SLC25A28: variants seen among roughly 807,000 people sequenced by gnomAD.
SLC25A28 encodes solute carrier family 25 member 28, also known as mitoferrin-2.
Under a neutral mutation model 31.9 loss-of-function variants are expected in SLC25A28, and 10 were observed. The observed-to-expected ratio is 0.31, with a 90% CI of 0.19 to 0.53. SLC25A28 has a LOEUF of 0.53. Ranked by LOEUF, SLC25A28 falls within the 20% of genes least tolerant of loss-of-function variation. The pLI is 0.95. For synonymous variants in SLC25A28, 208 were observed against 203.6 expected (o/e 1.02, Z -0.19); for missense variants, 256 against 490.3 (o/e 0.52, Z 4.51).
chr10:99,627,471 T>G, the SLC25A28 span, among the ~76,000 whole-genome samples: 1 of 150,678 alleles, frequency 6.6e-6, no homozygotes, highest in Non-Finnish European at 1.5e-5. Flanking sequence ...GACAAGATAC[T>G]GCTCCGTCAC....
chr10:99,648,497 G>A, the SLC25A28 span, among the ~76,000 whole-genome samples: 2 of 152,060 alleles, frequency 1.3e-5, no homozygotes, highest in African/African-American at 4.8e-5. Context: ...AATGACATTG[G>A]TAATTCGATA....
the SLC25A28 span, among the ~76,000 whole-genome samples, chr10:99,654,319 A>G: frequency 1.3e-5 from 2 of 152,144 alleles, no homozygotes; most frequent in Non-Finnish European, 2.9e-5. Flanking sequence ...GACTGCTCCA[A>G]TATCTTAATT....
the SLC25A28 span, among the ~76,000 whole-genome samples, chr10:99,658,299 C>A: frequency 2.6e-5 from 4 of 152,134 alleles, no homozygotes; most frequent in African/African-American, 9.7e-5. Context: ...ATAAATAAAG[C>A]ATTTGGGTGG....
At chr10:99,646,762 C>T in the SLC25A28 span, among the ~76,000 whole-genome samples, 3 of 152,200 alleles carry the variant, frequency 2.0e-5, no homozygotes, top group East Asian at 3.8e-4. Flanking sequence ...TTTTAGTGTA[C>T]CCATCACCCA....
chr10:99,646,217 G>A, the SLC25A28 span, among the ~76,000 whole-genome samples: 1 of 152,176 alleles, frequency 6.6e-6, no homozygotes, highest in Non-Finnish European at 1.5e-5. Flanking sequence ...GCCCATTCGA[G>A]CTTCCCAGCC....
chr10:99,639,584 T>A, the SLC25A28 span, among the ~76,000 whole-genome samples: 1 of 152,038 alleles, frequency 6.6e-6, no homozygotes, highest in African/African-American at 2.4e-5. Flanking sequence ...CCAAGCTTGA[T>A]CCACTAGGTA....
chr10:99,613,620 A>T lies in SLC25A28; in HGVS notation c.520+76T>A. ...AAAGCTTCAGCTCCAAACCATGCTG[A>T]GACTGGAAAGCACTGACAGCAGCAA... On this transcript the variant is annotated intron_variant, in intron 2 of 3. Transcript: ENST00000370495. The surrounding 1 kb of genome is among the most constrained non-coding windows in gnomAD (Gnocchi z 4.9). 6.2e-7 allele frequency: 1 copy of T among 1,605,128 alleles called. No homozygotes were observed. The highest frequency in any genetic ancestry group is 1.1e-5 in the South Asian group (1 of 89,704).
At chr10:99,633,348 G>T in the SLC25A28 span, among the ~76,000 whole-genome samples, 1 of 152,068 alleles carries the variant, frequency 6.6e-6, no homozygotes, top group Non-Finnish European at 1.5e-5. Flanking sequence ...ACTTTTCTCT[G>T]TATTACTTAG....
upstream of SLC25A28, chr10:99,621,022 T>A: frequency 5.1e-6 from 5 of 974,204 alleles, no homozygotes; most frequent in Non-Finnish European, 6.1e-6. Context: ...AGAGCCGTGT[T>A]CCCGCGGGAT....
chr10:99,642,937 GC>G, the SLC25A28 span, among the ~76,000 whole-genome samples: 1 of 152,164 alleles, frequency 6.6e-6, no homozygotes, highest in Non-Finnish European at 1.5e-5. Flanking sequence ...TGGTGGATAA[GC>G]TTTTTGATGT....
At chr10:99,653,116 G>A in the SLC25A28 span, among the ~76,000 whole-genome samples, 2 of 152,130 alleles carry the variant, frequency 1.3e-5, no homozygotes, top group Non-Finnish European at 2.9e-5. Flanking sequence ...AGGTGGAGCC[G>A]AATTCCCCTC....
the SLC25A28 span, among the ~76,000 whole-genome samples, chr10:99,632,087 G>A: frequency 2.0e-5 from 3 of 150,422 alleles, no homozygotes; most frequent in Admixed American, 6.6e-5. Context: ...TAGTAGAGAC[G>A]GGGTTTCACC....
At chr10:99,635,496 G>A in the SLC25A28 span, among the ~76,000 whole-genome samples, 4 of 130,602 alleles carry the variant, frequency 3.1e-5, no homozygotes, top group East Asian at 8.9e-4. Flanking sequence ...CCTGGCTAAC[G>A]TGGTGAAACC....
Position 99,620,265 on chromosome 10 carries a change from C to G in SLC25A28, c.71G>C (p.Gly24Ala), listed in dbSNP as rs2034756562. The change falls in exon 1 of 4, where the codon GGG (glycine) becomes GCG (alanine). Residue 24 changes from glycine (G) to alanine (A), a missense_variant. Transcript: ENST00000370495. Reference protein sequence around the residue: ...GPAAGPGRSPGESALLDGWLQ... With the variant: ...GPAAGPGRSPAESALLDGWLQ... Reference sequence around the variant, plus strand: ...CCACCCGTCCAGCAGCGCCGACTCCCCGGGGCTCCGCCCGGGCCCTGCCGC... The same window carrying G: ...CCACCCGTCCAGCAGCGCCGACTCCGCGGGGCTCCGCCCGGGCCCTGCCGC... 8.0e-6 allele frequency: 10 copies of G among 1,242,394 alleles called. No homozygotes were observed. Among genetic ancestry groups the G allele is most frequent in the Non-Finnish European group, 1.0e-5 (10 of 994,108 alleles). 77.0% of individuals were successfully genotyped at this position (1,242,394 alleles called of 1,614,324 possible).
chr10:99,638,321 C>T, the SLC25A28 span, among the ~76,000 whole-genome samples: 15 of 152,144 alleles, frequency 9.9e-5, no homozygotes, highest in Non-Finnish European at 1.2e-4. Flanking sequence ...AATCTAAGAC[C>T]TGAAACTATA....
Position 99,613,530 on chromosome 10 carries a change from C to T in SLC25A28, c.520+166G>A, listed in dbSNP as rs532653561. 132 of 1,466,274 alleles carry T rather than the reference C, an allele frequency of 9.0e-5. 1 individual carries two copies. Among genetic ancestry groups the T allele is most frequent in the South Asian group, 7.3e-4 (52 of 70,780 alleles). The allele number at this position is 1,466,274 out of a possible 1,614,324, so 90.8% of individuals were successfully genotyped here. A position where few individuals can be genotyped will look rare whatever the true frequency, so the allele number is the denominator to read the frequency against. ...CCCAAAGGAAAAGGCAGGGTTGAAG[C>T]GGCCCGTTGTCTGAGAACATCAGGT... On this transcript the variant is annotated intron_variant, in intron 2 of 3. Transcript: ENST00000370495. This position sits in a 1 kb window ranked among gnomAD's most constrained non-coding sequence, Gnocchi z 4.9.
chr10:99,634,967 T>C, the SLC25A28 span, among the ~76,000 whole-genome samples: 130,073 of 152,190 alleles, frequency 0.85, 55,696 homozygotes, highest in Middle Eastern at 0.92. Flanking sequence ...CCCTACATGC[T>C]AGAAGGGTTT....
the SLC25A28 span, among the ~76,000 whole-genome samples, chr10:99,656,707 G>A: frequency 2.6e-5 from 4 of 152,190 alleles, no homozygotes. Flanking sequence ...GCTCAGGGCT[G>A]GGCATCAAGC....
the SLC25A28 span, among the ~76,000 whole-genome samples, chr10:99,633,513 T>C: frequency 1.3e-5 from 2 of 152,032 alleles, no homozygotes; most frequent in Admixed American, 1.3e-4. Flanking sequence ...CTGGCCAACA[T>C]GGCAAAACCC....
Sources: allele counts gnomAD v4.1 joint callset (sites outside exome capture counted in the v4.1 genomes callset), GRCh38; gene constraint gnomAD v4.1.1; non-coding constraint Gnocchi (gnomAD v3.1); transcripts MANE v1.5; gene names NCBI Gene and HGNC (gene_info 2026-07-23, HGNC 2026-07-21).